The following YJU2B variants were observed in gnomAD, a reference collection of about 807,000 sequenced individuals.
YJU2B encodes the protein YJU2 splicing factor homolog B.
Under a neutral mutation model 38.0 loss-of-function variants are expected in YJU2B, and 18 were observed. That is an observed-to-expected ratio of 0.47 (90% confidence interval 0.33 to 0.70). The LOEUF is 0.70. Among genes scored for constraint, YJU2B ranks in the 30% least tolerant of loss-of-function variants. YJU2B has a pLI of 0.02. For synonymous variants in YJU2B, 246 were observed against 225.4 expected (o/e 1.09, Z -0.82); for missense variants, 538 against 556.3 (o/e 0.97, Z 0.33).
chr19:13,740,598 C>A (rs936054157), intron 2 of YJU2B, among the ~76,000 whole-genome samples: 1 of 151,954 alleles, frequency 6.6e-6, no homozygotes, highest in Non-Finnish European at 1.5e-5. Context: ...AGTGTAGTGG[C>A]GCAATCTTGG....
intron 2 of YJU2B, among the ~76,000 whole-genome samples, chr19:13,741,951 C>A (rs1188930814): frequency 6.6e-6 from 1 of 152,124 alleles, no homozygotes; most frequent in Non-Finnish European, 1.5e-5. Flanking sequence ...CATCAAATAT[C>A]CAGGAAATAT....
Position 13,762,693 on chromosome 19 carries a change from G to T in YJU2B, c.816G>T (p.Leu272=). The part of the protein sequence containing the change: ...SASSSKVSGV[L]KKLAQSRRTA... ...CCAGCAGCAAGGTCAGCGGCGTCCT[G>T]AAGAAGCTGGCACAGAGCCGCAGAA... is the stretch of plus-strand genomic sequence containing the variant. Residue 272 remains leucine (L), a synonymous_variant, in exon 10 of 10, where the codon CTG becomes CTT. Coordinates refer to ENST00000221554, the MANE Select transcript of YJU2B (RefSeq NM_030818.4). 1 of 1,603,850 alleles carries T rather than the reference G, an allele frequency of 6.2e-7. No individual in the cohort carries two copies.
At chr19:13,759,459 A>G (rs1276085527) in intron 8 of YJU2B, 187 bp downstream of exon 8, 4 of 553,248 alleles carry the variant, frequency 7.2e-6, no homozygotes, top group South Asian at 5.0e-5. Flanking sequence ...AAAAAATACC[A>G]TAGACAGAAA....
intron 6 of YJU2B, among the ~76,000 whole-genome samples, chr19:13,758,091 A>G (rs916312611): frequency 4.0e-5 from 6 of 151,688 alleles, no homozygotes; most frequent in African/African-American, 1.5e-4. Context: ...TCTTCACCCT[A>G]ACCTCCTCCT....
At chr19:13,745,595 G>A (rs1048437783), upstream of YJU2B, among the ~76,000 whole-genome samples, 2 of 151,302 alleles carry the variant, frequency 1.3e-5, no homozygotes, top group African/African-American at 4.9e-5. Flanking sequence ...AGGTTGCGGT[G>A]AGCCAAGATT....
chr19:13,736,230 G>C (rs1017759186), intron 2 of YJU2B, among the ~76,000 whole-genome samples: 2 of 149,184 alleles, frequency 1.3e-5, no homozygotes, highest in African/African-American at 4.9e-5. Flanking sequence ...ATTCTCTAGA[G>C]CATCCACCTG....
At chr19:13,757,976 CAG>C (rs1452138622) in intron 6 of YJU2B, 130 bp downstream of exon 6, 5 of 736,614 alleles carry the variant, frequency 6.8e-6, no homozygotes, top group African/African-American at 1.8e-5. Context: ...GTTGGTGAAT[CAG>C]GGCACACCCC....
intron 8 of YJU2B, chr19:13,759,633 T>G (rs1302713816): frequency 6.4e-6 from 1 of 157,450 alleles, no homozygotes; most frequent in East Asian, 1.8e-4. Context: ...ATTAATTTTT[T>G]TTTTGTTTTG....
At chr19:13,751,508 G>T in intron 1 of YJU2B, 100 bp from the exon 2 acceptor site, 1 of 408,816 alleles carries the variant, frequency 2.4e-6, no homozygotes, top group African/African-American at 2.0e-5. Flanking sequence ...CGTGAGTGAT[G>T]ATGGGTGCTG....
At chr19:13,740,632 G>T (rs1041458406) in intron 2 of YJU2B, among the ~76,000 whole-genome samples, 1 of 152,142 alleles carries the variant, frequency 6.6e-6, no homozygotes, top group African/African-American at 2.4e-5. Context: ...CTGCCTCCGA[G>T]TTCAAGCAAT....
intron 2 of YJU2B, among the ~76,000 whole-genome samples, chr19:13,736,840 T>C (rs1418986043): frequency 1.3e-5 from 2 of 151,610 alleles, no homozygotes; most frequent in African/African-American, 4.8e-5. Flanking sequence ...GAGACCAGCC[T>C]GGCCAACATG....
chr19:13,758,756 A>T, intron 6 of YJU2B, 112 bp from the exon 7 acceptor site: 1 of 1,290,142 alleles, frequency 7.8e-7, no homozygotes, highest in Non-Finnish European at 1.1e-6. Context: ...GTGGGTGCTC[A>T]GTGAATTTTT....
chr19:13,741,792 C>T (rs1973102512), intron 2 of YJU2B, among the ~76,000 whole-genome samples: 1 of 152,052 alleles, frequency 6.6e-6, no homozygotes, highest in Admixed American at 6.6e-5. Context: ...TAAGCTGCCT[C>T]AGAACCAAGG....
intron 3 of YJU2B, among the ~76,000 whole-genome samples, chr19:13,754,725 G>A (rs1973598458): frequency 6.6e-6 from 1 of 152,092 alleles, no homozygotes; most frequent in South Asian, 2.1e-4. Context: ...TTCTCACAGA[G>A]GTCCTCCCTG....
upstream of YJU2B, among the ~76,000 whole-genome samples, chr19:13,743,887 G>GAA: frequency 2.0e-5 from 2 of 101,944 alleles, no homozygotes; most frequent in Middle Eastern, 9.1e-3. Flanking sequence ...TCAGTCTCAG[G>GAA]AAAAAAAAGA....
At chr19:13,738,630 G>A (rs1053863666) in intron 2 of YJU2B, among the ~76,000 whole-genome samples, 4 of 152,020 alleles carry the variant, frequency 2.6e-5, no homozygotes, top group Non-Finnish European at 5.9e-5. Flanking sequence ...GGTGGCTCAC[G>A]CCTGTAATCC....
chr19:13,740,535 G>GTTTT (rs1381415326), intron 2 of YJU2B, among the ~76,000 whole-genome samples: 1 of 151,182 alleles, frequency 6.6e-6, no homozygotes, highest in Admixed American at 6.6e-5. Flanking sequence ...TTGTTTTTTT[G>GTTTT]TTTGTTTGTT....
At position 13,762,453 on chromosome 19, in the gene YJU2B, G is replaced by A. The variant is rs760406654; in HGVS notation, c.712+16G>A. 1.2e-6 allele frequency: 2 copies of A among 1,609,146 alleles called. No homozygotes were observed. Among genetic ancestry groups the A allele is most frequent in the Non-Finnish European group, 1.7e-6 (2 of 1,179,168 alleles). ...ACCCTGGACTGTGCGTAGGAGGCCAGGGGGAAAAGGGGACAGGGAGGCTCA... is the reference window on the plus strand; with the variant it reads ...ACCCTGGACTGTGCGTAGGAGGCCAAGGGGAAAAGGGGACAGGGAGGCTCA... On this transcript the variant is annotated intron_variant, in intron 9 of 9. Coordinates refer to ENST00000221554, the MANE Select transcript of YJU2B (RefSeq NM_030818.4).
intron 4 of YJU2B, 36 bp from the exon 5 acceptor site, chr19:13,757,382 G>A (rs1447436739): frequency 1.9e-6 from 3 of 1,600,736 alleles, no homozygotes; most frequent in East Asian, 2.2e-5. Context: ...GTGTCCAAGT[G>A]GACAAGTGCA....
Sources: gnomAD v4.1 joint callset for allele counts (sites outside exome capture counted in the v4.1 genomes callset) on GRCh38, gnomAD v4.1.1 for gene constraint, MANE v1.5 for transcripts, NCBI Gene and HGNC (gene_info 2026-07-23, HGNC 2026-07-21) for gene names.